The following NEDD1 variants were observed in gnomAD, a reference collection of about 807,000 sequenced individuals.
NEDD1 encodes the protein NEDD1 gamma-tubulin ring complex targeting factor.
In NEDD1, 33 loss-of-function variants were observed where a neutral mutation model predicts 74.0. The ratio of observed to expected loss-of-function variants is 0.45; its 90% CI spans 0.34 to 0.60. The LOEUF (loss-of-function observed/expected upper bound fraction) is 0.60, where lower values mean the gene tolerates loss of function less well. Ranked by LOEUF, NEDD1 falls within the 20% of genes least tolerant of loss-of-function variation. The pLI is 0.01. For synonymous variants in NEDD1, 250 were observed against 264.4 expected (o/e 0.95, Z 0.53); for missense variants, 746 against 776.5 (o/e 0.96, Z 0.47).
intron 4 of NEDD1, among the ~76,000 whole-genome samples, chr12:96,917,262 A>T (rs1399466374): frequency 6.6e-6 from 1 of 152,218 alleles, no homozygotes; most frequent in Non-Finnish European, 1.5e-5. Context: ...ATTTTAATGT[A>T]GGATATTCTG....
intron 3 of NEDD1, among the ~76,000 whole-genome samples, chr12:96,910,666 A>G (rs898654046): frequency 2.6e-5 from 4 of 152,176 alleles, no homozygotes; most frequent in Non-Finnish European, 4.4e-5. Context: ...CCCGTTAGGT[A>G]CCAATAGCCT....
At chr12:96,908,914 C>T (rs1316399291) in intron 2 of NEDD1, among the ~76,000 whole-genome samples, 1 of 152,142 alleles carries the variant, frequency 6.6e-6, no homozygotes, top group African/African-American at 2.4e-5. Context: ...CGGTGGCTCA[C>T]GCCTGTGGTC....
At chr12:96,913,804 A>G (rs762434680) in intron 4 of NEDD1, among the ~76,000 whole-genome samples, 3 of 151,970 alleles carry the variant, frequency 2.0e-5, no homozygotes, top group Non-Finnish European at 2.9e-5. Context: ...ATGGTAGTTG[A>G]TAGCTTTTTT....
Position 96,936,636 on chromosome 12 carries a change from A to C in NEDD1, c.745A>C (p.Thr249Pro), listed in dbSNP as rs763065844. ...KKLVKTLVAD[T>P]PLTAVDFMPD... ...GCTAGTGAAAACTTTAGTGGCTGAC[A>C]CTCCTCTAACTGCGGTAGATTTCAT... The change falls in exon 8 of 16, where the codon ACT becomes CCT. Residue 249 changes from threonine (T) to proline (P), a missense_variant. Thr to Pro is a conservative substitution (Grantham distance 38, BLOSUM62 -1). Around this residue, in one of 3 missense-constraint regions of NEDD1, gnomAD observed 706 missense variants for 706.7 expected, o/e 1.00. Coordinates refer to ENST00000266742, the MANE Select transcript of NEDD1 (RefSeq NM_152905.4). 6.2e-7 allele frequency: 1 copy of C among 1,613,518 alleles called. No individual in the cohort carries two copies. The highest frequency in any genetic ancestry group is 8.5e-7 in the Non-Finnish European group (1 of 1,179,644).
intron 4 of NEDD1, among the ~76,000 whole-genome samples, chr12:96,916,681 G>A (rs1874501428): frequency 6.6e-6 from 1 of 151,032 alleles, no homozygotes; most frequent in African/African-American, 2.4e-5. Flanking sequence ...TTGGTTCCAA[G>A]TCTTTGCTAT....
At position 96,940,487 on chromosome 12, in the gene NEDD1, A is replaced by T. The variant is rs758218672; in HGVS notation, c.1196A>T (p.Asp399Val). ...AAAAATCAGGATTTCTCCAGCTTTG[A>T]TGATACTGGGAAAAGTAGTTTAGGT... ...SGKNQDFSSF[D>V]DTGKSSLGDM... The change falls in exon 10 of 16, where the codon GAT becomes GTT. Residue 399 changes from aspartate (D) to valine (V), a missense_variant. Transcript: ENST00000266742. The T allele has an allele frequency of 3.7e-5, 60 of 1,606,174 alleles. No individual in the cohort carries two copies. Among genetic ancestry groups the T allele is most frequent in the Non-Finnish European group, 5.0e-5 (59 of 1,173,758 alleles).
intron 4 of NEDD1, among the ~76,000 whole-genome samples, chr12:96,915,330 A>G (rs1874324135): frequency 6.6e-6 from 1 of 152,226 alleles, no homozygotes; most frequent in Admixed American, 6.5e-5. Flanking sequence ...GCTCTTTAGT[A>G]CAAGATTAGC....
At chr12:96,944,105 A>G (rs945460563) in intron 12 of NEDD1, among the ~76,000 whole-genome samples, 3 of 152,042 alleles carry the variant, frequency 2.0e-5, no homozygotes, top group Non-Finnish European at 4.4e-5. Flanking sequence ...TGGTGCTGAG[A>G]ATGGAATTTA....
At position 96,907,594 on chromosome 12, in the gene NEDD1, C is replaced by T. The variant is rs1012880673; in HGVS notation, c.-261-10C>T. ...TTTTTTGTCAACCTCAAGTACTTTT[C>T]TTTTGGCAGGTACTTGGATGCATTT... On this transcript the variant is annotated splice_polypyrimidine_tract_variant and intron_variant, in intron 1 of 15. Transcript: ENST00000266742. The T allele has an allele frequency of 3.3e-5, 51 of 1,551,008 alleles. No homozygotes were observed. The highest frequency in any genetic ancestry group is 4.1e-5 in the Non-Finnish European group (47 of 1,146,510).
rs1015170964 is a variant in NEDD1 at position 96,935,672 on chromosome 12, G to A, written c.719+467G>A. Among the ~76,000 whole-genome samples, 25 of 152,240 alleles carry A rather than the reference G, an allele frequency of 1.6e-4. 2 individuals are homozygous for A. Among genetic ancestry groups the A allele is most frequent in the Admixed American group, 8.5e-4 (13 of 15,280 alleles). ...ATACCAATGGCCTAAATTGTGTCCA[G>A]ACATTGTCAGATGTCCCCTGGTAGT... is the stretch of plus-strand genomic sequence containing the variant. On this transcript the variant is annotated intron_variant, in intron 7 of 15. Coordinates refer to ENST00000266742, the MANE Select transcript of NEDD1 (RefSeq NM_152905.4).
At chr12:96,929,562 C>CAG (rs2136558910) in intron 6 of NEDD1, among the ~76,000 whole-genome samples, 1 of 23,522 alleles carries the variant, frequency 4.3e-5, no homozygotes, top group Non-Finnish European at 6.6e-5. Flanking sequence ...TGTATACACA[C>CAG]ACACACACAC....
At chr12:96,923,897 T>C (rs1875402944) in intron 6 of NEDD1, among the ~76,000 whole-genome samples, 4 of 151,780 alleles carry the variant, frequency 2.6e-5, no homozygotes, top group Admixed American at 2.6e-4. Flanking sequence ...TTTAATGAAG[T>C]CTCATATGTC....
chr12:96,951,345 C>T, intron 14 of NEDD1, 87 bp from the exon 15 acceptor site: 2 of 673,200 alleles, frequency 3.0e-6, no homozygotes, highest in South Asian at 2.2e-5. Context: ...AGTAATTTGG[C>T]AAATGAAAAA....
chr12:96,938,322 C>G (rs889680841), intron 9 of NEDD1, among the ~76,000 whole-genome samples: 1 of 151,802 alleles, frequency 6.6e-6, no homozygotes, highest in Non-Finnish European at 1.5e-5. Context: ...CTCCTGGAGA[C>G]AAAGACAACT....
chr12:96,913,573 C>A (rs1239768739), intron 4 of NEDD1, among the ~76,000 whole-genome samples: 1 of 151,966 alleles, frequency 6.6e-6, no homozygotes, highest in Non-Finnish European at 1.5e-5. Flanking sequence ...GGGGTTTCAC[C>A]ATGTTGGCCA....
chr12:96,916,618 G>A (rs1874492121), intron 4 of NEDD1, among the ~76,000 whole-genome samples: 1 of 148,256 alleles, frequency 6.7e-6, no homozygotes, highest in African/African-American at 2.5e-5. Flanking sequence ...GTATTCCATG[G>A]TGTATATGTG....
At chr12:96,909,675 A>G in intron 2 of NEDD1, 77 bp from the exon 3 acceptor site, 1 of 1,159,552 alleles carries the variant, frequency 8.6e-7, no homozygotes, top group South Asian at 1.5e-5. Flanking sequence ...CACTTGTTTT[A>G]GATTAGATTT....
chr12:96,925,555 T>C (rs1230029725), intron 6 of NEDD1, among the ~76,000 whole-genome samples: 1 of 152,202 alleles, frequency 6.6e-6, no homozygotes, highest in Non-Finnish European at 1.5e-5. Flanking sequence ...CAGGAGCAGC[T>C]GAATATATAA....
At chr12:96,919,059 A>G (rs1355453304) in intron 5 of NEDD1, among the ~76,000 whole-genome samples, 1 of 152,178 alleles carries the variant, frequency 6.6e-6, no homozygotes, top group African/African-American at 2.4e-5. Context: ...GTTTGTTTGT[A>G]TTATTGAGAT....
Sources: gnomAD v4.1 joint callset for allele counts (sites outside exome capture counted in the v4.1 genomes callset) on GRCh38, gnomAD v4.1.1 for gene constraint, gnomAD v4.1.1 regional missense constraint, MANE v1.5 for transcripts, NCBI Gene and HGNC (gene_info 2026-07-23, HGNC 2026-07-21) for gene names.